The following MORC2 variants were observed in gnomAD, a reference collection of about 807,000 sequenced individuals.
MORC2 encodes the protein MORC family CW-type zinc finger 2, also known as ATPase MORC2.
MORC2 carries 30 observed loss-of-function variants against 136.0 expected under a neutral mutation model. The observed-to-expected ratio is 0.22, with a 90% CI of 0.17 to 0.30. The LOEUF is 0.30. Ranked by LOEUF, MORC2 falls within the 10% of genes least tolerant of loss-of-function variation. The pLI, the probability that MORC2 is intolerant of heterozygous loss-of-function variation, is 1.00. For missense variants in MORC2, 922 were observed against 1,333.1 expected (o/e 0.69, Z 4.80); for synonymous variants, 439 against 487.0 (o/e 0.90, Z 1.30).
chr22:30,945,464 G>GA lies in MORC2; in HGVS notation c.426+876dup, dbSNP rs550709812. The stretch of plus-strand genomic sequence containing the variant: ...CTGAATTCAATTACCTGCTTCTGTG[G>GA]AAGTTGCGGATTTCTTTCCACAGAA... On this transcript the variant is annotated intron_variant, in intron 6 of 25. Coordinates refer to ENST00000397641, the MANE Select transcript of MORC2 (RefSeq NM_001303256.3). Among the ~76,000 whole-genome samples, 211 of 152,336 alleles carry GA rather than the reference G, an allele frequency of 1.4e-3. 1 individual carries two copies. The highest frequency in any genetic ancestry group is 4.8e-3 in the African/African-American group (199 of 41,576).
At chr22:30,950,645 C>A (rs928753434) in intron 3 of MORC2, among the ~76,000 whole-genome samples, 200 bp from the exon 4 acceptor site, 2 of 152,200 alleles carry the variant, frequency 1.3e-5, no homozygotes, top group African/African-American at 4.8e-5. Context: ...TTTTCTAGAT[C>A]ATGACAAAGC....
At chr22:30,958,786 G>GA in intron 1 of MORC2, 92 bp from the exon 2 acceptor site, 5 of 1,204,978 alleles carry the variant, frequency 4.1e-6, no homozygotes, top group South Asian at 1.4e-5. Flanking sequence ...TAAGTTTTTT[G>GA]AAAAAAATCT....
At position 30,933,010 on chromosome 22, in the gene MORC2, C is replaced by T. The variant is rs1489333271; in HGVS notation, c.2401G>A (p.Val801Met). 1 of 1,614,022 alleles carries T rather than the reference C, an allele frequency of 6.2e-7. No individual in the cohort carries two copies. Among genetic ancestry groups the T allele is most frequent in the African/African-American group, 1.3e-5 (1 of 74,934 alleles). ...AQKDKGLHVEVRVNREWYTGR... is the reference protein window; with the variant it reads ...AQKDKGLHVEMRVNREWYTGR... Reference sequence around the variant, plus strand: ...GTGTACCACTCCCTGTTCACACGCACCTCCACGTGCAGCCCTTTATCTGAC... The same window carrying T: ...GTGTACCACTCCCTGTTCACACGCATCTCCACGTGCAGCCCTTTATCTGAC... The change falls in exon 22 of 26, where the codon GTG becomes ATG. Residue 801 changes from valine to methionine, a missense_variant. Physicochemically the swap from Val to Met is conservative, Grantham distance 21. Around this residue, in one of 9 missense-constraint regions of MORC2, gnomAD observed 263 missense variants for 388.3 expected, o/e 0.68. Coordinates refer to ENST00000397641, the MANE Select transcript of MORC2 (RefSeq NM_001303256.3).
intron 3 of MORC2, among the ~76,000 whole-genome samples, 187 bp from the exon 4 acceptor site, chr22:30,950,632 A>G (rs1460012478): frequency 6.6e-6 from 1 of 152,166 alleles, no homozygotes; most frequent in Non-Finnish European, 1.5e-5. Flanking sequence ...AGGTTCTCCA[A>G]TGTTTTCTAG....
rs578083442 is a variant in MORC2, at chr22:30,939,483, A to T, written c.1073+138T>A. On this transcript the variant is annotated intron_variant, in intron 12 of 25. Transcript: ENST00000397641. ...AAAAGGGCTGAGAGCTAGGATTAAG[A>T]CTTCCCTCCTGCAGGAGGCATTTGA... 119 of 791,796 alleles carry T rather than the reference A, an allele frequency of 1.5e-4. No individual in the cohort carries two copies. The African/African-American group carries it at 2.0e-3, about 13-fold the overall frequency. The allele number at this position is 791,796 out of a possible 1,614,324, so 49.0% of individuals were successfully genotyped here.
chr22:30,926,781 G>A lies in MORC2; in HGVS notation c.*22C>T, dbSNP rs1205965488. ...CAGGGTTGAGGGGCAGGTGGGCAGG[G>A]GAGCTGCTCTCTCTCCTGCCTTCAG... is the stretch of plus-strand genomic sequence containing the variant. On this transcript the variant is annotated 3_prime_UTR_variant, in exon 26 of 26. Transcript: ENST00000397641. The A allele has an allele frequency of 5.0e-6, 8 of 1,604,086 alleles. No individual in the cohort carries two copies. The highest frequency in any genetic ancestry group is 1.7e-4 in the Middle Eastern group (1 of 6,022).
At chr22:30,943,923 A>T (rs2040776910) in intron 6 of MORC2, among the ~76,000 whole-genome samples, 1 of 152,100 alleles carries the variant, frequency 6.6e-6, no homozygotes, top group South Asian at 2.1e-4. Context: ...GTACACTGCC[A>T]TGCCCAGCTA....
chr22:30,940,736 C>A, intron 10 of MORC2, 22 bp downstream of exon 10: 1 of 1,610,914 alleles, frequency 6.2e-7, no homozygotes, highest in Non-Finnish European at 8.5e-7. Flanking sequence ...CCCCCCAACT[C>A]CTGCACCCAG....
intron 5 of MORC2, among the ~76,000 whole-genome samples, chr22:30,947,210 TG>T (rs1450716502): frequency 1.3e-5 from 2 of 152,238 alleles, no homozygotes; most frequent in African/African-American, 4.8e-5. Flanking sequence ...TGGATGCAAC[TG>T]GTTTCTGGGA....
At chr22:30,931,070 C>T (rs2040569569) in intron 24 of MORC2, among the ~76,000 whole-genome samples, 1 of 152,208 alleles carries the variant, frequency 6.6e-6, no homozygotes, top group Non-Finnish European at 1.5e-5. Context: ...CACCCCCAAG[C>T]CCACTGCCAC....
Position 30,928,016 on chromosome 22 carries a change from C to T in MORC2, c.3030+3G>A. 6.2e-7 allele frequency: 1 copy of T among 1,612,884 alleles called. No homozygotes were observed. The highest frequency in any genetic ancestry group is 8.5e-7 in the Non-Finnish European group (1 of 1,180,000). Reference sequence around the variant, plus strand: ...GCTGCAACAGGAAGGCTGCCGGGCTCACCTCCTGCACCTTTTGCAGGAGTG... The same window carrying T: ...GCTGCAACAGGAAGGCTGCCGGGCTTACCTCCTGCACCTTTTGCAGGAGTG... On this transcript the variant is annotated splice_donor_region_variant and intron_variant, in intron 25 of 25. Coordinates refer to ENST00000397641, the MANE Select transcript of MORC2 (RefSeq NM_001303256.3).
At chr22:30,931,883 A>G (rs1421907385) in intron 24 of MORC2, among the ~76,000 whole-genome samples, 1 of 152,230 alleles carries the variant, frequency 6.6e-6, no homozygotes, top group Non-Finnish European at 1.5e-5. Flanking sequence ...TGCTTGGGCA[A>G]GGCACCCCTT....
chr22:30,962,609 A>C (rs918760015), intron 1 of MORC2, among the ~76,000 whole-genome samples: 1 of 151,856 alleles, frequency 6.6e-6, no homozygotes, highest in Non-Finnish European at 1.5e-5. Flanking sequence ...AAAAAAAAAA[A>C]AACTAATGGT....
In MORC2 at chr22:30,934,980, G is replaced by C. The variant is rs1402143255; in HGVS notation, c.1994C>G (p.Ser665Cys). ...TGCCTCAGGTGGCTGGAGCAGCCTAGATGTGCTGGCCTCCTCCCGGGCTGC... is the reference window on the plus strand; with the variant it reads ...TGCCTCAGGTGGCTGGAGCAGCCTACATGTGCTGGCCTCCTCCCGGGCTGC... ...ALAAREEAST[S>C]RLLQPPEAPR... Residue 665 changes from serine to cysteine, a missense_variant, in exon 19 of 26, where the codon TCT (serine) becomes TGT (cysteine). By Grantham distance (112) the Ser-to-Cys change is moderately radical (BLOSUM62 -1). Around this residue, in one of 9 missense-constraint regions of MORC2, gnomAD observed 184 missense variants for 180.3 expected, o/e 1.02. Coordinates refer to ENST00000397641, the MANE Select transcript of MORC2 (RefSeq NM_001303256.3). This position sits in a 1 kb window ranked among gnomAD's most constrained non-coding sequence, Gnocchi z 4.4. 2.5e-6 allele frequency: 4 copies of C among 1,614,036 alleles called. No homozygotes were observed. Among genetic ancestry groups the C allele is most frequent in the Admixed American group, 3.3e-5 (2 of 60,000 alleles).
chr22:30,933,605 C>G, intron 20 of MORC2, 85 bp from the exon 21 acceptor site: 1 of 1,348,212 alleles, frequency 7.4e-7, no homozygotes, highest in Non-Finnish European at 1.0e-6. Context: ...GGGTCATCAG[C>G]CATCATCTTC....
rs759964138 is a variant in MORC2 at position 30,937,972 on chromosome 22, A to G, written c.1215-3T>C. 1 of 1,614,078 alleles carries G rather than the reference A, an allele frequency of 6.2e-7. No homozygotes were observed. The highest frequency in any genetic ancestry group is 8.5e-7 in the Non-Finnish European group (1 of 1,180,000). On this transcript the variant is annotated splice_region_variant and splice_polypyrimidine_tract_variant and intron_variant, in intron 13 of 25. Coordinates refer to ENST00000397641, the MANE Select transcript of MORC2 (RefSeq NM_001303256.3). This position sits in a 1 kb window ranked among gnomAD's most constrained non-coding sequence, Gnocchi z 4.7. ...CCCCAACAACCCCGCCACATGCCCT[A>G]CAGGGAGAAAGAGAACAAGCTCTGT...
chr22:30,966,232 A>G (rs970046253), intron 1 of MORC2, among the ~76,000 whole-genome samples: 1 of 152,222 alleles, frequency 6.6e-6, no homozygotes, highest in Non-Finnish European at 1.5e-5. Flanking sequence ...TTATCATAAA[A>G]TCTGTAATTC....
At position 30,958,966 on chromosome 22, in the gene MORC2, T is replaced by C. The variant is rs2041005515; in HGVS notation, c.69-272A>G. The C allele has an allele frequency of 1.2e-5, 4 of 324,002 alleles. No homozygotes were observed. In the South Asian group the frequency reaches 1.4e-4, roughly 11 times the overall value. The allele number at this position is 324,002 out of a possible 1,614,324, so 20.1% of individuals were successfully genotyped here. On this transcript the variant is annotated intron_variant, in intron 1 of 25. Transcript: ENST00000397641. ...AGCATTGAAAGAGTCCTATGTGTAG[T>C]AACTGCTAAAAGTGTTTTTCACTAT...
At position 30,941,553 on chromosome 22, in the gene MORC2, G is replaced by A; in HGVS notation, c.704C>T (p.Pro235Leu). ...MAETSPEGTK[P>L]ERRSFRAYAA... ...ATAGGCACGGAACGAGCGCCGCTCT[G>A]GCTTCCTGGAGAGGGCAAAAACAGA... Residue 235 changes from proline (P) to leucine (L), a missense_variant, in exon 9 of 26, where the codon CCA becomes CTA. By Grantham distance (98) the Pro-to-Leu change is moderately conservative. Around this residue, in one of 9 missense-constraint regions of MORC2, gnomAD observed 261 missense variants for 354.3 expected, o/e 0.74. Coordinates refer to ENST00000397641, the MANE Select transcript of MORC2 (RefSeq NM_001303256.3). This position sits in a 1 kb window ranked among gnomAD's most constrained non-coding sequence, Gnocchi z 4.6. The A allele has an allele frequency of 6.2e-7, 1 of 1,612,978 alleles. No homozygotes were observed. Among genetic ancestry groups the A allele is most frequent in the Non-Finnish European group, 8.5e-7 (1 of 1,179,164 alleles).
Sources: gnomAD v4.1 joint callset for allele counts (sites outside exome capture counted in the v4.1 genomes callset) on GRCh38, gnomAD v4.1.1 for gene constraint, gnomAD v4.1.1 regional missense constraint, Gnocchi (gnomAD v3.1) non-coding constraint, MANE v1.5 for transcripts, NCBI Gene and HGNC (gene_info 2026-07-23, HGNC 2026-07-21) for gene names.